The following PDE10A variants were observed in gnomAD, a reference collection of about 807,000 sequenced individuals.
PDE10A encodes cAMP and cAMP-inhibited cGMP 3',5'-cyclic phosphodiesterase 10A.
PDE10A carries 39 observed loss-of-function variants against 97.7 expected under a neutral mutation model. The ratio of observed to expected loss-of-function variants is 0.40; its 90% CI spans 0.31 to 0.52. The LOEUF (loss-of-function observed/expected upper bound fraction) is 0.52, where lower values mean the gene tolerates loss of function less well. PDE10A is among the 20% of genes least tolerant of loss of function. The pLI is 0.56. For synonymous variants in PDE10A, 371 were observed against 376.8 expected, an observed-to-expected ratio of 0.98 and a Z score of 0.18; for missense variants, 731 against 1,047.8, an observed-to-expected ratio of 0.70 and a Z score of 4.17.
intron 18 of PDE10A, among the ~76,000 whole-genome samples, chr6:165,349,849 G>T (rs910534995): frequency 6.6e-6 from 1 of 152,204 alleles, no homozygotes; most frequent in Non-Finnish European, 1.5e-5. Flanking sequence ...CCAAGCCTTG[G>T]TGGCTTACAT....
chr6:165,579,379 T>C lies in PDE10A; in HGVS notation c.866-35811A>G, dbSNP rs537036090. On this transcript the variant is annotated intron_variant, in intron 1 of 21. Coordinates refer to ENST00000539869, the MANE Select transcript of PDE10A (RefSeq NM_001385079.1). ...TAGCAAAATAAAACTCATAATTACATGGCAGACTGACAAGACTAGATGACC... is the reference window on the plus strand; with the variant it reads ...TAGCAAAATAAAACTCATAATTACACGGCAGACTGACAAGACTAGATGACC... 1.8e-4 allele frequency among the ~76,000 whole-genome samples: 27 copies of C among 152,294 alleles called. No individual in the cohort carries two copies. The South Asian group carries it at 2.5e-3, about 14-fold the overall frequency.
Position 165,329,315 on chromosome 6 carries a change from T to G in PDE10A, c.*3710A>C, listed in dbSNP as rs780581343. ...TGAAGTCAAATAAAGAACAGAAATC[T>G]GATGAGGAGAGAATGGTCCTATTCA... On this transcript the variant is annotated 3_prime_UTR_variant, in exon 22 of 22. Coordinates refer to ENST00000539869, the MANE Select transcript of PDE10A (RefSeq NM_001385079.1). The G allele has an allele frequency of 3.9e-5, 6 of 152,174 alleles. No homozygotes were observed. The highest frequency in any genetic ancestry group is 7.3e-5 in the Non-Finnish European group (5 of 68,038). 9.4% of individuals were successfully genotyped at this position (152,174 alleles called of 1,614,324 possible).
chr6:165,792,194 G>A (rs1424693892), intron 1 of PDE10A, among the ~76,000 whole-genome samples: 1 of 152,190 alleles, frequency 6.6e-6, no homozygotes, highest in South Asian at 2.1e-4. Flanking sequence ...ATCCACCAAA[G>A]GCAAATGTGA....
At chr6:165,479,667 T>A (rs1779490981) in intron 3 of PDE10A, among the ~76,000 whole-genome samples, 1 of 152,196 alleles carries the variant, frequency 6.6e-6, no homozygotes, top group Non-Finnish European at 1.5e-5. Flanking sequence ...TCTGAACTGT[T>A]TCCACAACTC....
chr6:165,480,680 G>C (rs1779554742), intron 3 of PDE10A, among the ~76,000 whole-genome samples: 2 of 152,200 alleles, frequency 1.3e-5, no homozygotes, highest in Admixed American at 1.3e-4. Flanking sequence ...AGCACCTTTA[G>C]TGGAACTAAA....
chr6:165,481,450 T>C (rs944038031), intron 3 of PDE10A, among the ~76,000 whole-genome samples: 17 of 152,052 alleles, frequency 1.1e-4, no homozygotes, highest in African/African-American at 4.1e-4. Context: ...ATTTTAGAGA[T>C]TTCTTTCTTC....
At chr6:165,500,943 C>A (rs1427073815) in intron 2 of PDE10A, among the ~76,000 whole-genome samples, 3 of 152,014 alleles carry the variant, frequency 2.0e-5, no homozygotes, top group African/African-American at 4.8e-5. Context: ...GGCACAGCAC[C>A]TTTTCTTTAA....
At chr6:165,605,123 A>T (rs1787146822) in intron 1 of PDE10A, among the ~76,000 whole-genome samples, 1 of 151,736 alleles carries the variant, frequency 6.6e-6, no homozygotes, top group Non-Finnish European at 1.5e-5. Context: ...TTCTCTTTCC[A>T]TCTCCTCTGC....
intron 1 of PDE10A, among the ~76,000 whole-genome samples, chr6:165,810,251 C>G (rs906176707): frequency 1.3e-5 from 2 of 152,208 alleles, no homozygotes; most frequent in Non-Finnish European, 2.9e-5. Context: ...AGTCATCATC[C>G]TGACTGGGCT....
chr6:165,803,230 C>G (rs953428127), intron 1 of PDE10A, among the ~76,000 whole-genome samples: 2 of 152,196 alleles, frequency 1.3e-5, no homozygotes, highest in African/African-American at 2.4e-5. Flanking sequence ...CATTTGGACA[C>G]AAATTCTCTG....
In PDE10A at chr6:165,763,456, G is replaced by A. The variant is rs572722402; in HGVS notation, c.-614-219888C>T. ...TCGTGCCTCAGCCCCCCCAGTAGCCGGGATTACAGGCGCCCACCACCATAC... is the reference window on the plus strand; with the variant it reads ...TCGTGCCTCAGCCCCCCCAGTAGCCAGGATTACAGGCGCCCACCACCATAC... On this transcript the variant is annotated intron_variant, in intron 1 of 19. Coordinates refer to the PDE10A transcript ENST00000366882. Among the ~76,000 whole-genome samples the A allele has an allele frequency of 2.2e-3, 335 of 152,140 alleles. 4 individuals are homozygous for A. The highest frequency in any genetic ancestry group is 7.6e-3 in the African/African-American group (314 of 41,510).
At chr6:165,863,138 T>C (rs1021699526) in intron 1 of PDE10A, among the ~76,000 whole-genome samples, 4 of 152,214 alleles carry the variant, frequency 2.6e-5, no homozygotes, top group Non-Finnish European at 2.9e-5. Flanking sequence ...TGGGAGCAGT[T>C]TGTGGCCTCT....
intron 18 of PDE10A, among the ~76,000 whole-genome samples, chr6:165,350,539 T>C (rs570783102): frequency 1.3e-5 from 2 of 152,222 alleles, no homozygotes; most frequent in East Asian, 3.9e-4. Flanking sequence ...TGGAATTAGT[T>C]AAGAATTTGA....
chr6:165,509,097 G>A (rs565709175), intron 2 of PDE10A, among the ~76,000 whole-genome samples: 8 of 151,924 alleles, frequency 5.3e-5, no homozygotes, highest in South Asian at 2.1e-4. Flanking sequence ...ATGTCAAAGC[G>A]TATATTCATA....
chr6:165,403,504 C>A (rs562393023), intron 13 of PDE10A, among the ~76,000 whole-genome samples: 25 of 152,238 alleles, frequency 1.6e-4, no homozygotes, highest in African/African-American at 6.0e-4. Context: ...CTTTAAGATA[C>A]AAGTAGTTTG....
At chr6:165,712,326 A>C (rs1791914908) in intron 1 of PDE10A, among the ~76,000 whole-genome samples, 1 of 152,124 alleles carries the variant, frequency 6.6e-6, no homozygotes, top group Non-Finnish European at 1.5e-5. Context: ...TCAAATCTAC[A>C]ACACGTGATG....
Position 165,894,601 on chromosome 6 carries a change from TA to T in PDE10A, c.-615+92927del, listed in dbSNP as rs200495141. 1.6e-4 allele frequency: 74 copies of T among 448,810 alleles called. 1 individual carries two copies. The highest frequency in any genetic ancestry group is 9.1e-4 in the African/African-American group (45 of 49,460). 27.8% of individuals were successfully genotyped at this position (448,810 alleles called of 1,614,324 possible). A position where few individuals can be genotyped will look rare whatever the true frequency, so the allele number is the denominator to read the frequency against. The stretch of plus-strand genomic sequence containing the variant: ...AGAAGGACCACAACCCTGTACTACA[TA>T]TCCCGAGGAAGAGCACATGAAGAAG... On this transcript the variant is annotated intron_variant, in intron 1 of 19. Transcript: ENST00000366882.
At chr6:165,443,443 A>T (rs757109859) in intron 5 of PDE10A, among the ~76,000 whole-genome samples, 2 of 152,216 alleles carry the variant, frequency 1.3e-5, no homozygotes, top group South Asian at 4.1e-4. Flanking sequence ...GTGGTTCTGC[A>T]GGGTATGGCC....
intron 1 of PDE10A, among the ~76,000 whole-genome samples, chr6:165,569,602 C>G (rs1374136531): frequency 6.6e-6 from 1 of 152,160 alleles, no homozygotes; most frequent in Non-Finnish European, 1.5e-5. Flanking sequence ...TCCCTCCGTT[C>G]AAACTGCTTG....
Sources: allele counts gnomAD v4.1 joint callset (sites outside exome capture counted in the v4.1 genomes callset), GRCh38; gene constraint gnomAD v4.1.1; transcripts MANE v1.5; gene names NCBI Gene and HGNC (gene_info 2026-07-23, HGNC 2026-07-21).